ATN1: variants seen among roughly 807,000 people sequenced by gnomAD.
ATN1 encodes the protein atrophin 1.
Under a neutral mutation model 85.8 loss-of-function variants are expected in ATN1, and 19 were observed. The ratio of observed to expected loss-of-function variants is 0.22; its 90% confidence interval spans 0.15 to 0.32. The LOEUF is 0.32. Among genes scored for constraint, ATN1 ranks in the 10% least tolerant of loss-of-function variants. ATN1 has a pLI of 1.00. For synonymous variants in ATN1, 674 were observed against 657.0 expected (o/e 1.03, Z -0.39); for missense variants, 1,453 against 1,564.5 (o/e 0.93, Z 1.20).
intron 1 of ATN1, among the ~76,000 whole-genome samples, chr12:6,931,086 G>A (rs1053641186): frequency 6.6e-6 from 1 of 151,990 alleles, no homozygotes; most frequent in East Asian, 1.9e-4. Flanking sequence ...CAGATTTCAG[G>A]TGATTAAAAA....
upstream of ATN1, among the ~76,000 whole-genome samples, chr12:6,926,105 A>G (rs1229935241): frequency 1.3e-5 from 2 of 152,202 alleles, no homozygotes; most frequent in Non-Finnish European, 2.9e-5. Flanking sequence ...GGCCGGGAGC[A>G]GACTGACTGC....
Position 6,937,490 on chromosome 12 carries a change from GC to G in ATN1, c.2228del (p.Pro743GlnfsTer12), listed in dbSNP as rs1555143996. 3 of 1,544,680 alleles carry G rather than the reference GC, an allele frequency of 1.9e-6. No individual in the cohort carries two copies. On this transcript the variant is annotated frameshift_variant, in exon 5 of 10. Transcript: ENST00000396684. LOFTEE classifies it high-confidence loss of function. This position sits in a 1 kb window ranked among gnomAD's most constrained non-coding sequence, Gnocchi z 6.0. ...EEYETPESPV[P>X]PARSPSPPPK... ...AGTATGAGACCCCCGAGAGCCCGGT[GC>G]CCCCAGCCCGCAGCCCCTCGCCCCC...
At position 6,941,505 on chromosome 12, in the gene ATN1, C is replaced by T; in HGVS notation, c.3490C>T (p.His1164Tyr). Residue 1164 changes from histidine (H) to tyrosine (Y), a missense_variant, in exon 9 of 10, where the codon CAT (histidine) becomes TAT (tyrosine). His to Tyr is a moderately conservative substitution (Grantham distance 83). Coordinates refer to ENST00000396684, the MANE Select transcript of ATN1 (RefSeq NM_001940.4). The surrounding 1 kb of genome is among the most constrained non-coding windows in gnomAD (Gnocchi z 5.9). ...ALEQQQWLHAHHPLHSVPLPA... is the reference protein window; with the variant it reads ...ALEQQQWLHAYHPLHSVPLPA... Reference sequence around the variant, plus strand: ...GGAACAGCAGCAGTGGCTGCATGCCCATCACCCGCTGCACAGTGTGCCGCT... The same window carrying T: ...GGAACAGCAGCAGTGGCTGCATGCCTATCACCCGCTGCACAGTGTGCCGCT... 6.2e-7 allele frequency: 1 copy of T among 1,612,732 alleles called. No homozygotes were observed. The highest frequency in any genetic ancestry group is 8.5e-7 in the Non-Finnish European group (1 of 1,179,952).
At position 6,941,118 on chromosome 12, in the gene ATN1, G is replaced by T. The variant is rs782039641; in HGVS notation, c.3358+95G>T. 37 of 1,486,734 alleles carry T rather than the reference G, an allele frequency of 2.5e-5. No individual in the cohort carries two copies. In the African/African-American group the frequency reaches 4.8e-4, roughly 19 times the overall value. 92.1% of individuals were successfully genotyped at this position (1,486,734 alleles called of 1,614,324 possible). ...ATGGGCCTAGTTGGGCTTGGGGAGG[G>T]ATGAGGAGGTGCCTAGAGGAGCTGG... is the stretch of plus-strand genomic sequence containing the variant. On this transcript the variant is annotated intron_variant, in intron 8 of 9. Coordinates refer to ENST00000396684, the MANE Select transcript of ATN1 (RefSeq NM_001940.4). This position sits in a 1 kb window ranked among gnomAD's most constrained non-coding sequence, Gnocchi z 5.9.
chr12:6,935,933 G>T lies in ATN1; in HGVS notation c.666G>T (p.Gly222=), dbSNP rs782422818. Residue 222 remains glycine (G), a synonymous_variant, in exon 5 of 10, where the codon GGG becomes GGT. Transcript: ENST00000396684. The surrounding 1 kb of genome is among the most constrained non-coding windows in gnomAD (Gnocchi z 5.3). ...CCCCTCACCCACAGCTCTATCCTGGGGGCACTGGTGGAGTTTTGTCTGGAC... is the reference window on the plus strand; with the variant it reads ...CCCCTCACCCACAGCTCTATCCTGGTGGCACTGGTGGAGTTTTGTCTGGAC... ...APPPHPQLYP[G]GTGGVLSGPP... 6.3e-7 allele frequency: 1 copy of T among 1,599,248 alleles called. No homozygotes were observed. The highest frequency in any genetic ancestry group is 1.1e-5 in the South Asian group (1 of 89,230).
intron 1 of ATN1, among the ~76,000 whole-genome samples, chr12:6,930,495 CT>C (rs1241434885): frequency 1.3e-5 from 2 of 152,106 alleles, no homozygotes; most frequent in African/African-American, 4.8e-5. Context: ...TAATCATTTT[CT>C]TTTTAAAGTA....
chr12:6,927,808 T>C (rs1310300876), upstream of ATN1, among the ~76,000 whole-genome samples: 1 of 151,618 alleles, frequency 6.6e-6, no homozygotes, highest in East Asian at 1.9e-4. Flanking sequence ...TCCGCTTTCC[T>C]GTGCGAGTCG....
Position 6,941,317 on chromosome 12 carries a change from C to A in ATN1, c.3359-57C>A, listed in dbSNP as rs782699123. The A allele has an allele frequency of 6.5e-7, 1 of 1,529,624 alleles. No homozygotes were observed. The highest frequency in any genetic ancestry group is 8.8e-7 in the Non-Finnish European group (1 of 1,137,152). 94.8% of individuals were successfully genotyped at this position (1,529,624 alleles called of 1,614,324 possible). On this transcript the variant is annotated intron_variant, in intron 8 of 9. Coordinates refer to ENST00000396684, the MANE Select transcript of ATN1 (RefSeq NM_001940.4). This position sits in a 1 kb window ranked among gnomAD's most constrained non-coding sequence, Gnocchi z 5.9. ...GTAAAGGAGCTGGCTATCCCCTGGTCCAGAGCAGGTACTTGTTATCCGTTG... is the reference window on the plus strand; with the variant it reads ...GTAAAGGAGCTGGCTATCCCCTGGTACAGAGCAGGTACTTGTTATCCGTTG...
rs77350358 is a variant in ATN1 at position 6,941,221 on chromosome 12, A to G, written c.3359-153A>G. On this transcript the variant is annotated intron_variant, in intron 8 of 9. Coordinates refer to ENST00000396684, the MANE Select transcript of ATN1 (RefSeq NM_001940.4). The surrounding 1 kb of genome is among the most constrained non-coding windows in gnomAD (Gnocchi z 5.9). ...GTCAGCCTAAGAGGTTCGAATCCCA[A>G]TTCCACCCTACCACTGGCAACTTAC... 2.5e-3 allele frequency among the ~76,000 whole-genome samples: 379 copies of G among 152,274 alleles called. 3 individuals are homozygous for G. The highest frequency in any genetic ancestry group is 8.8e-3 in the African/African-American group (364 of 41,558).
chr12:6,940,282 AC>A (rs1185596629), intron 7 of ATN1, among the ~76,000 whole-genome samples: 1 of 145,286 alleles, frequency 6.9e-6, no homozygotes, highest in Admixed American at 7.0e-5. Flanking sequence ...GAGCCACCGC[AC>A]CCGGCTTCCT....
Position 6,938,964 on chromosome 12 carries a change from G to C in ATN1, c.3001G>C (p.Glu1001Gln). 6.2e-7 allele frequency: 1 copy of C among 1,613,694 alleles called. No individual in the cohort carries two copies. Among genetic ancestry groups the C allele is most frequent in the Non-Finnish European group, 8.5e-7 (1 of 1,180,000 alleles). Residue 1001 changes from glutamate to glutamine, a missense_variant, in exon 7 of 10, where the codon GAA (glutamate) becomes CAA (glutamine). Physicochemically the swap from Glu to Gln is conservative, Grantham distance 29 (BLOSUM62 2). Transcript: ENST00000396684. Reference protein sequence around the residue: ...FHPSLGPLERERLALAAGPAL... With the variant: ...FHPSLGPLERQRLALAAGPAL... ...TCCGAGCCTGGGGCCCCTGGAGCGA[G>C]AACGTCTAGCGCTGGCAGCTGGGCC...
Position 6,939,067 on chromosome 12 carries a change from G to T in ATN1, c.3104G>T (p.Gly1035Val). 6.2e-7 allele frequency: 1 copy of T among 1,604,652 alleles called. No homozygotes were observed. The highest frequency in any genetic ancestry group is 8.5e-7 in the Non-Finnish European group (1 of 1,179,954). The part of the protein sequence containing the change: ...RQHAERVAAL[G>V]NDPLARLQML... Reference sequence around the variant, plus strand: ...CACGCAGAAAGGGTGGCGGCCCTGGGCAATGACCCACTGGCCCGGCTGCAG... The same window carrying T: ...CACGCAGAAAGGGTGGCGGCCCTGGTCAATGACCCACTGGCCCGGCTGCAG... The change falls in exon 7 of 10, where the codon GGC becomes GTC. Residue 1035 changes from glycine (G) to valine (V), a missense_variant. Around this residue, in one of 6 missense-constraint regions of ATN1, gnomAD observed 208 missense variants for 263.4 expected, o/e 0.79. Coordinates refer to ENST00000396684, the MANE Select transcript of ATN1 (RefSeq NM_001940.4).
Position 6,940,730 on chromosome 12 carries a change from G to T in ATN1, c.3215-150G>T. The stretch of plus-strand genomic sequence containing the variant: ...GGGCTCAGCCTGTCCACCCCTGCCA[G>T]GCCTCTAGTTCTTCCACTCTGCCTT... On this transcript the variant is annotated intron_variant, in intron 7 of 9. Coordinates refer to ENST00000396684, the MANE Select transcript of ATN1 (RefSeq NM_001940.4). 3 of 909,912 alleles carry T rather than the reference G, an allele frequency of 3.3e-6. No homozygotes were observed. The South Asian group carries it at 4.4e-5, about 13-fold the overall frequency. 56.4% of individuals were successfully genotyped at this position (909,912 alleles called of 1,614,324 possible).
chr12:6,936,504 C>T lies in ATN1; in HGVS notation c.1237C>T (p.Pro413Ser). The T allele has an allele frequency of 6.3e-7, 1 of 1,593,088 alleles. No homozygotes were observed. Among genetic ancestry groups the T allele is most frequent in the Non-Finnish European group, 8.5e-7 (1 of 1,171,546 alleles). ...ATTGCCCAGCTACCCCCACTCTTTC[C>T]CTCCCCCAACAAGCCTCTCTGTCTC... Reference protein sequence around the residue: ...QALPSYPHSFPPPTSLSVSNQ... With the variant: ...QALPSYPHSFSPPTSLSVSNQ... Residue 413 changes from proline (P) to serine (S), a missense_variant, in exon 5 of 10, where the codon CCT becomes TCT. By Grantham distance (74) the Pro-to-Ser change is moderately conservative. Coordinates refer to ENST00000396684, the MANE Select transcript of ATN1 (RefSeq NM_001940.4).
rs1555143385 is a variant in ATN1, at chr12:6,934,866, A to C, written c.279+288A>C. ...CAAATAAATCTTAAGGAAAATGCAGAAGTGGTCTTTCTTTTTTATTGTTTT... is the reference window on the plus strand; with the variant it reads ...CAAATAAATCTTAAGGAAAATGCAGCAGTGGTCTTTCTTTTTTATTGTTTT... On this transcript the variant is annotated intron_variant, in intron 4 of 9. Coordinates refer to ENST00000396684, the MANE Select transcript of ATN1 (RefSeq NM_001940.4). The surrounding 1 kb of genome is among the most constrained non-coding windows in gnomAD (Gnocchi z 4.5). 1.3e-5 allele frequency among the ~76,000 whole-genome samples: 2 copies of C among 152,030 alleles called. No individual in the cohort carries two copies. The highest frequency in any genetic ancestry group is 4.8e-5 in the African/African-American group (2 of 41,414).
At chr12:6,927,130 C>T (rs1555142646), upstream of ATN1, among the ~76,000 whole-genome samples, 2 of 151,004 alleles carry the variant, frequency 1.3e-5, no homozygotes, top group Admixed American at 6.6e-5. Context: ...TCCTTCATCC[C>T]CCCACCCCCA....
intron 1 of ATN1, among the ~76,000 whole-genome samples, chr12:6,932,739 G>A (rs1028448635): frequency 2.0e-5 from 3 of 152,200 alleles, no homozygotes; most frequent in African/African-American, 2.4e-5. Flanking sequence ...GGGAGCTCAA[G>A]TACTAGAGAA....
chr12:6,936,031 C>G lies in ATN1; in HGVS notation c.764C>G (p.Pro255Arg). The change falls in exon 5 of 10, where the codon CCA (proline) becomes CGA (arginine). Residue 255 changes from proline (P) to arginine (R), a missense_variant. Around this residue, in one of 6 missense-constraint regions of ATN1, gnomAD observed 990 missense variants for 914.8 expected, o/e 1.08. Transcript: ENST00000396684. ...GGPNGGKQHP[P>R]PTTPISVSSS... ...CCTAATGGGGGTAAGCAGCACCCCC[C>G]ACCCACTACTCCCATTTCAGTATCA... The G allele has an allele frequency of 6.3e-7, 1 of 1,580,384 alleles. No individual in the cohort carries two copies. The highest frequency in any genetic ancestry group is 8.6e-7 in the Non-Finnish European group (1 of 1,163,576).
In ATN1 at chr12:6,928,279, C is replaced by T. The variant is rs1945421198; in HGVS notation, c.-268C>T. ...GCCGTCGTCGCGGCGGCGACTGAGG[C>T]CGAGAAGAGGAGAGGGGGGCGGGGG... On this transcript the variant is annotated 5_prime_UTR_variant, in exon 1 of 10. Coordinates refer to ENST00000396684, the MANE Select transcript of ATN1 (RefSeq NM_001940.4). The T allele has an allele frequency of 6.9e-6, 1 of 145,744 alleles. No individual in the cohort carries two copies. Among genetic ancestry groups the T allele is most frequent in the East Asian group, 2.1e-4 (1 of 4,788 alleles). The allele number at this position is 145,744 out of a possible 1,614,324, so 9.0% of individuals were successfully genotyped here.
Sources: gnomAD v4.1 joint callset for allele counts (sites outside exome capture counted in the v4.1 genomes callset) on GRCh38, gnomAD v4.1.1 for gene constraint, gnomAD v4.1.1 regional missense constraint, Gnocchi (gnomAD v3.1) non-coding constraint, MANE v1.5 for transcripts, NCBI Gene and HGNC (gene_info 2026-07-23, HGNC 2026-07-21) for gene names.